MYO3A: variants seen among roughly 807,000 people sequenced by gnomAD.
MYO3A encodes myosin IIIA, also known as myosin-IIIa.
A neutral mutation model predicts 192.7 loss-of-function variants in MYO3A; 180 were observed. The observed-to-expected ratio is 0.93, with a 90% CI of 0.83 to 1.06. The LOEUF (loss-of-function observed/expected upper bound fraction) is 1.06, where lower values mean the gene tolerates loss of function less well. Ranked by LOEUF, MYO3A falls within the 50% of genes least tolerant of loss-of-function variation. MYO3A has a pLI of 0.00. For synonymous variants in MYO3A, 628 were observed against 645.3 expected (o/e 0.97, Z 0.41); for missense variants, 1,896 against 1,905.0 (o/e 1.00, Z 0.09).
At position 26,060,886 on chromosome 10, in the gene MYO3A, A is replaced by T. The variant is rs554668127; in HGVS notation, c.954-6089A>T. Reference sequence around the variant, plus strand: ...TTCAGGCAAACATGGGTATTGAATTAAGGTAATGAAGATTCAAGACAACTT... The same window carrying T: ...TTCAGGCAAACATGGGTATTGAATTTAGGTAATGAAGATTCAAGACAACTT... On this transcript the variant is annotated intron_variant, in intron 10 of 34. Transcript: ENST00000642920. 1.2e-3 allele frequency among the ~76,000 whole-genome samples: 181 copies of T among 152,316 alleles called. 2 individuals are homozygous for T. The South Asian group carries it at 0.018, about 15-fold the overall frequency.
chr10:26,188,391 A>G (rs183906005), intron 31 of MYO3A, among the ~76,000 whole-genome samples: 117 of 152,282 alleles, frequency 7.7e-4, no homozygotes, highest in African/African-American at 2.7e-3. Flanking sequence ...TCTAGATATT[A>G]GCCCTTTGTC....
chr10:25,972,386 T>C (rs2130738069), intron 4 of MYO3A, among the ~76,000 whole-genome samples: 1 of 152,232 alleles, frequency 6.6e-6, no homozygotes, highest in African/African-American at 2.4e-5. Flanking sequence ...TCTTTAAACA[T>C]ATTTATATCT....
rs539454411 is a variant in MYO3A at position 25,998,176 on chromosome 10, A to G, written c.508+918A>G. Among the ~76,000 whole-genome samples the G allele has an allele frequency of 3.3e-5, 5 of 152,318 alleles. No individual in the cohort carries two copies. The South Asian group carries it at 1.0e-3, about 32-fold the overall frequency. On this transcript the variant is annotated intron_variant, in intron 6 of 34. Coordinates refer to ENST00000642920, the MANE Select transcript of MYO3A (RefSeq NM_017433.5). ...GAGAAGTGGGACTGTGTCTTAGTCT[A>G]TTTCGTAGACCTAATGCTTTGAGTA...
chr10:26,147,502 A>T lies in MYO3A; in HGVS notation c.2578A>T (p.Arg860Trp). The T allele has an allele frequency of 6.2e-7, 1 of 1,613,926 alleles. No individual in the cohort carries two copies. The highest frequency in any genetic ancestry group is 1.1e-5 in the South Asian group (1 of 91,080). The change falls in exon 23 of 35, where the codon AGG becomes TGG. Residue 860 changes from arginine (R) to tryptophan (W), a missense_variant. Physicochemically the swap from Arg to Trp is moderately radical, Grantham distance 101 (BLOSUM62 -3). Coordinates refer to ENST00000642920, the MANE Select transcript of MYO3A (RefSeq NM_017433.5). The stretch of plus-strand genomic sequence containing the variant: ...TCCTACTGACATTGTGCTACTTTTG[A>T]GGTCATCCGACAACAGTGTAATTAG... ...TLPTDIVLLL[R>W]SSDNSVIRQL...
intron 21 of MYO3A, 56 bp from the exon 22 acceptor site, chr10:26,145,390 G>A (rs1004596396): frequency 3.3e-6 from 4 of 1,230,602 alleles, no homozygotes; most frequent in Non-Finnish European, 4.8e-6. Flanking sequence ...AATTTTCGCA[G>A]TATTTTTTGA....
chr10:26,179,617 G>A (rs1386906750), intron 31 of MYO3A, among the ~76,000 whole-genome samples: 1 of 152,158 alleles, frequency 6.6e-6, no homozygotes, highest in Non-Finnish European at 1.5e-5. Context: ...TGATGTGGCT[G>A]TTCAAAGAAT....
Position 26,166,084 on chromosome 10 carries a change from A to C in MYO3A, c.3017A>C (p.Tyr1006Ser), listed in dbSNP as rs1841731082. Residue 1006 changes from tyrosine to serine, a missense_variant, in exon 27 of 35, where the codon TAC (tyrosine) becomes TCC (serine). Physicochemically the swap from Tyr to Ser is moderately radical, Grantham distance 144. Coordinates refer to ENST00000642920, the MANE Select transcript of MYO3A (RefSeq NM_017433.5). ...NFIKRYYLLC[Y>S]KSSEEPRMSP... Reference sequence around the variant, plus strand: ...ATTCCAAGGTACTACCTTCTCTGCTACAAGTCGAGCGAGGAGCCCCGCATG... The same window carrying C: ...ATTCCAAGGTACTACCTTCTCTGCTCCAAGTCGAGCGAGGAGCCCCGCATG... 4 of 1,614,030 alleles carry C rather than the reference A, an allele frequency of 2.5e-6. No homozygotes were observed. The highest frequency in any genetic ancestry group is 2.5e-6 in the Non-Finnish European group (3 of 1,180,030).
At chr10:25,988,085 A>T (rs973323769) in intron 4 of MYO3A, among the ~76,000 whole-genome samples, 5 of 152,202 alleles carry the variant, frequency 3.3e-5, no homozygotes, top group African/African-American at 9.6e-5. Flanking sequence ...ATTATTCTAC[A>T]TTATTCTAAG....
chr10:26,121,229 C>T (rs765489260), intron 18 of MYO3A, among the ~76,000 whole-genome samples: 11 of 150,478 alleles, frequency 7.3e-5, no homozygotes, highest in African/African-American at 1.7e-4. Flanking sequence ...ATTAATTTTG[C>T]GATCATTTCT....
rs193042012 is a variant in MYO3A at position 25,947,620 on chromosome 10, C to T, written c.-17-4474C>T. On this transcript the variant is annotated intron_variant, in intron 2 of 34. Transcript: ENST00000642920. ...GTTGGTCAGGCTGGTCTCGAACTCCCGACCTCAGGTGATCCACCCACCTCT... is the reference window on the plus strand; with the variant it reads ...GTTGGTCAGGCTGGTCTCGAACTCCTGACCTCAGGTGATCCACCCACCTCT... 7.0e-4 allele frequency among the ~76,000 whole-genome samples: 106 copies of T among 151,952 alleles called. 2 individuals are homozygous for T. In the East Asian group the frequency reaches 0.014, roughly 20 times the overall value.
intron 17 of MYO3A, among the ~76,000 whole-genome samples, chr10:26,110,479 A>G (rs1378034058): frequency 1.3e-5 from 2 of 152,168 alleles, no homozygotes; most frequent in Non-Finnish European, 2.9e-5. Flanking sequence ...CAGTATGTGA[A>G]TCTCATTCCC....
chr10:25,972,066 A>C (rs1344652990), intron 4 of MYO3A, among the ~76,000 whole-genome samples: 1 of 152,182 alleles, frequency 6.6e-6, no homozygotes, highest in African/African-American at 2.4e-5. Context: ...ACTTCTTCAA[A>C]GATTTTTCTT....
chr10:26,004,408 A>G (rs1334936630), intron 6 of MYO3A, among the ~76,000 whole-genome samples: 1 of 151,800 alleles, frequency 6.6e-6, no homozygotes, highest in African/African-American at 2.4e-5. Flanking sequence ...ATGTGAACTC[A>G]CCATTTTATA....
chr10:26,008,334 A>G (rs1349690522), intron 6 of MYO3A, among the ~76,000 whole-genome samples: 1 of 148,634 alleles, frequency 6.7e-6, no homozygotes, highest in Non-Finnish European at 1.5e-5. Flanking sequence ...CAAGGACTTC[A>G]TATCTAAAAC....
chr10:26,187,439 T>C (rs573435095), intron 31 of MYO3A, among the ~76,000 whole-genome samples: 188 of 152,314 alleles, frequency 1.2e-3, no homozygotes, highest in African/African-American at 4.3e-3. Flanking sequence ...GCCTTTTTCC[T>C]TGCCTTTAGA....
intron 4 of MYO3A, among the ~76,000 whole-genome samples, chr10:25,962,481 T>C (rs1023475560): frequency 6.6e-6 from 1 of 152,158 alleles, no homozygotes; most frequent in Non-Finnish European, 1.5e-5. Flanking sequence ...CGGGGAGTTT[T>C]GTTGTCATTC....
Position 26,070,984 on chromosome 10 carries a change from C to A in MYO3A, c.1359+583C>A, listed in dbSNP as rs577058782. ...AGACGTCAGTCTTCTACAAATTGAT[C>A]TATAGATATAATGCAATTACAATAA... On this transcript the variant is annotated intron_variant, in intron 14 of 34. Transcript: ENST00000642920. Among the ~76,000 whole-genome samples the A allele has an allele frequency of 1.8e-4, 27 of 151,786 alleles. 1 individual carries two copies. Among genetic ancestry groups the A allele is most frequent in the African/African-American group, 6.5e-4 (27 of 41,470 alleles).
chr10:25,942,003 T>C (rs1353619273), intron 2 of MYO3A, among the ~76,000 whole-genome samples: 3 of 149,718 alleles, frequency 2.0e-5, no homozygotes, highest in Non-Finnish European at 4.4e-5. Flanking sequence ...TACTTTCTTT[T>C]TTCTTTTTTT....
chr10:25,955,562 C>T (rs184546783), intron 4 of MYO3A, among the ~76,000 whole-genome samples: 57 of 152,216 alleles, frequency 3.7e-4, no homozygotes, highest in African/African-American at 1.1e-3. Flanking sequence ...CTTTCCAATC[C>T]TGAGAGTAGT....
Sources: allele counts gnomAD v4.1 joint callset (sites outside exome capture counted in the v4.1 genomes callset), GRCh38; gene constraint gnomAD v4.1.1; transcripts MANE v1.5; gene names NCBI Gene and HGNC (gene_info 2026-07-23, HGNC 2026-07-21).